TIPIN: variants seen among roughly 807,000 people sequenced by gnomAD.
TIPIN encodes the protein TIMELESS interacting protein, also known as TIMELESS-interacting protein.
A neutral mutation model predicts 35.6 loss-of-function variants in TIPIN; 29 were observed. The observed-to-expected ratio is 0.82, with a 90% CI of 0.61 to 1.11. The LOEUF (loss-of-function observed/expected upper bound fraction) is 1.11. Ranked by LOEUF, TIPIN falls within the 50% of genes most tolerant of loss-of-function variation. The probability of loss-of-function intolerance (pLI) is 0.00; values close to 1 mark genes in which losing one functional copy is unlikely to be tolerated. For missense variants in TIPIN, 296 were observed against 345.4 expected (o/e 0.86, Z 1.13); for synonymous variants, 102 against 121.5 (o/e 0.84, Z 1.06).
intron 1 of TIPIN, among the ~76,000 whole-genome samples, chr15:66,375,764 T>C (rs967746380): frequency 1.5e-5 from 2 of 136,544 alleles, no homozygotes; most frequent in Admixed American, 7.9e-5. Context: ...CTATTAACAA[T>C]TGCTCTTTTG....
chr15:66,344,610 G>T (rs1342023331), intron 6 of TIPIN, among the ~76,000 whole-genome samples: 1 of 151,522 alleles, frequency 6.6e-6, no homozygotes, highest in African/African-American at 2.4e-5. Context: ...CAGCACTTTG[G>T]GAACCCAAGG....
chr15:66,360,565 C>A (rs751129721), upstream of TIPIN, among the ~76,000 whole-genome samples: 1 of 152,194 alleles, frequency 6.6e-6, no homozygotes, highest in South Asian at 2.1e-4. Context: ...TGCAGTGGCT[C>A]CCGTCTGTAA....
chr15:66,339,887 T>G (rs1039065876), intron 7 of TIPIN, among the ~76,000 whole-genome samples: 6 of 151,812 alleles, frequency 4.0e-5, no homozygotes, highest in Non-Finnish European at 8.8e-5. Context: ...TTTTTTTTTT[T>G]GAGACGGAGT....
intron 1 of TIPIN, among the ~76,000 whole-genome samples, chr15:66,367,753 A>G (rs532977972): frequency 1.3e-5 from 2 of 152,136 alleles, no homozygotes; most frequent in Non-Finnish European, 2.9e-5. Flanking sequence ...TCCAAGAAAA[A>G]AAAAGGACAT....
At chr15:66,379,362 CCT>C in intron 1 of TIPIN, 1 of 1,597,002 alleles carries the variant, frequency 6.3e-7, no homozygotes, top group Non-Finnish European at 8.5e-7. Context: ...CTGAACAGTT[CCT>C]TTTTCAGAGA....
chr15:66,351,640 T>C (rs776653050), intron 3 of TIPIN, 40 bp from the exon 4 acceptor site: 4 of 1,325,832 alleles, frequency 3.0e-6, no homozygotes, highest in East Asian at 2.6e-5. Context: ...AGTTTTATTT[T>C]CTTTTTTTTT....
intron 6 of TIPIN, among the ~76,000 whole-genome samples, chr15:66,342,488 C>A (rs925647531): frequency 6.6e-6 from 1 of 152,068 alleles, no homozygotes; most frequent in Non-Finnish European, 1.5e-5. Flanking sequence ...ATCAGCCTCC[C>A]GAGAAGCTGG....
upstream of TIPIN, chr15:66,356,756 T>TG: frequency 1.0e-6 from 1 of 984,358 alleles, no homozygotes. Context: ...GCCAAATCCG[T>TG]GCGGGGGGCT....
chr15:66,357,266 G>T (rs958726448), upstream of TIPIN, among the ~76,000 whole-genome samples: 1 of 152,122 alleles, frequency 6.6e-6, no homozygotes, highest in Non-Finnish European at 1.5e-5. Context: ...GGAAAACTGA[G>T]TTGTGGGAGG....
At chr15:66,367,244 C>CTA (rs1555410047) in intron 1 of TIPIN, among the ~76,000 whole-genome samples, 11 of 146,564 alleles carry the variant, frequency 7.5e-5, no homozygotes, top group South Asian at 2.2e-4. Flanking sequence ...ATATCTATAT[C>CTA]TATCTATATA....
chr15:66,382,526 C>G (rs545996358), intron 1 of TIPIN, among the ~76,000 whole-genome samples: 1 of 152,272 alleles, frequency 6.6e-6, no homozygotes, highest in African/African-American at 2.4e-5. Flanking sequence ...AGGCATGTGC[C>G]ACTATGCCTG....
At position 66,341,486 on chromosome 15, in the gene TIPIN, G is replaced by GAATACATGCTTGATTCAATTAAATAA. The variant is rs1595784759; in HGVS notation, c.476-131_476-130insTTATTTAATTGAATCAAGCATGTATT. 3.9e-4 allele frequency: 200 copies of GAATACATGCTTGATTCAATTAAATAA among 509,238 alleles called. 97 individuals are homozygous for GAATACATGCTTGATTCAATTAAATAA. The highest frequency in any genetic ancestry group is 5.7e-4 in the Non-Finnish European group (169 of 296,890). The allele number at this position is 509,238 out of a possible 1,614,324, so 31.5% of individuals were successfully genotyped here. On this transcript the variant is annotated intron_variant, in intron 6 of 7. Coordinates refer to ENST00000261881, the MANE Select transcript of TIPIN (RefSeq NM_017858.3). ...AATTTGTGAAGTATAAGAATGTTGTGGGCCGGGCGCGGTGGCTCACGCCTG... is the reference window on the plus strand; with the variant it reads ...AATTTGTGAAGTATAAGAATGTTGTGAATACATGCTTGATTCAATTAAATAAGGCCGGGCGCGGTGGCTCACGCCTG...
In TIPIN at chr15:66,352,155, T is replaced by C. The variant is rs1434101067; in HGVS notation, c.186A>G (p.Arg62=). ...VRVPPKRTVK[R]NIPKLDAQRL... is the part of the protein sequence containing the mutation. ...TCTGAGCATCCAGCTTGGGTATATT[T>C]CTTTTAACTGTTCTCTTTGGAGGTA... The change falls in exon 3 of 8, where the codon AGA becomes AGG. Residue 62 remains arginine (R), a synonymous_variant. Coordinates refer to ENST00000261881, the MANE Select transcript of TIPIN (RefSeq NM_017858.3). 10 of 1,610,018 alleles carry C rather than the reference T, an allele frequency of 6.2e-6. No homozygotes were observed. The African/African-American group carries it at 1.3e-4, about 22-fold the overall frequency.
chr15:66,344,431 T>TAA (rs150163709), intron 6 of TIPIN, among the ~76,000 whole-genome samples: 6 of 144,564 alleles, frequency 4.2e-5, no homozygotes, highest in African/African-American at 1.5e-4. Flanking sequence ...CAAAAAAAAG[T>TAA]AAAAAAAAAA....
intron 1 of TIPIN, chr15:66,383,072 A>C (rs1458372829): frequency 1.3e-6 from 1 of 746,252 alleles, no homozygotes; most frequent in Non-Finnish European, 1.6e-6. Flanking sequence ...AGTGGAGGCC[A>C]ACCCAGCATG....
At chr15:66,367,040 C>T (rs1595813459) in intron 1 of TIPIN, 2 of 220,290 alleles carry the variant, frequency 9.1e-6, no homozygotes, top group Non-Finnish European at 1.5e-5. Context: ...ATTAGACATA[C>T]GTGCTGGTGA....
At chr15:66,348,225 C>T (rs2093140835) in intron 6 of TIPIN, 1 of 151,872 alleles carries the variant, frequency 6.6e-6, no homozygotes, top group African/African-American at 2.4e-5. Context: ...GGGCTGATCT[C>T]CAACTCTAGG....
chr15:66,373,526 A>G (rs1289366794), intron 1 of TIPIN, among the ~76,000 whole-genome samples: 1 of 152,010 alleles, frequency 6.6e-6, no homozygotes, highest in African/African-American at 2.4e-5. Flanking sequence ...AAAAGAAATA[A>G]AATATACAGT....
Position 66,352,144 on chromosome 15 carries a change from T to C in TIPIN, c.197A>G (p.Lys66Arg), listed in dbSNP as rs1343563871. 2 of 1,607,694 alleles carry C rather than the reference T, an allele frequency of 1.2e-6. No individual in the cohort carries two copies. The highest frequency in any genetic ancestry group is 1.1e-5 in the South Asian group (1 of 89,672). ...GTAAATGTACCTCTGAGCATCCAGC[T>C]TGGGTATATTTCTTTTAACTGTTCT... Reference protein sequence around the residue: ...PKRTVKRNIPKLDAQRLISER... With the variant: ...PKRTVKRNIPRLDAQRLISER... Residue 66 changes from lysine to arginine, a missense_variant, in exon 3 of 8, where the codon AAG (lysine) becomes AGG (arginine). Coordinates refer to ENST00000261881, the MANE Select transcript of TIPIN (RefSeq NM_017858.3).
Sources: gnomAD v4.1 joint callset for allele counts (sites outside exome capture counted in the v4.1 genomes callset) on GRCh38, gnomAD v4.1.1 for gene constraint, MANE v1.5 for transcripts, NCBI Gene and HGNC (gene_info 2026-07-23, HGNC 2026-07-21) for gene names.